SLC22A4: variants seen among roughly 807,000 people sequenced by gnomAD.
The protein encoded by SLC22A4 is solute carrier family 22 member 4, also known as ET transporter.
In SLC22A4, 39 loss-of-function variants were observed where a neutral mutation model predicts 56.6. The observed-to-expected ratio is 0.69, with a 90% CI of 0.53 to 0.90. SLC22A4 has a LOEUF of 0.90. Ranked by LOEUF, SLC22A4 falls within the 40% of genes least tolerant of loss-of-function variation. SLC22A4 has a pLI of 0.00. For missense variants in SLC22A4, 594 were observed against 696.5 expected, an observed-to-expected ratio of 0.85 and a Z score of 1.66; for synonymous variants, 241 against 281.4, an observed-to-expected ratio of 0.86 and a Z score of 1.44.
At chr5:132,306,499 T>A (rs1454007629) in intron 1 of SLC22A4, among the ~76,000 whole-genome samples, 2 of 137,280 alleles carry the variant, frequency 1.5e-5, no homozygotes, top group East Asian at 4.4e-4. Context: ...CAGGCTGGAG[T>A]GCAGTGGTGT....
intron 5 of SLC22A4, among the ~76,000 whole-genome samples, chr5:132,328,903 G>A (rs867858891): frequency 4.1e-5 from 4 of 96,446 alleles, no homozygotes; most frequent in African/African-American, 9.9e-5. Context: ...GTGTGTATGT[G>A]TATATATATA....
chr5:132,341,954 A>T (rs2126747002), intron 9 of SLC22A4, among the ~76,000 whole-genome samples: 1 of 152,358 alleles, frequency 6.6e-6, no homozygotes, highest in Admixed American at 6.5e-5. Context: ...CTCCAAAAAA[A>T]AAACACATCA....
intron 1 of SLC22A4, among the ~76,000 whole-genome samples, chr5:132,300,212 G>A (rs1749879487): frequency 6.6e-6 from 1 of 152,200 alleles, no homozygotes; most frequent in Non-Finnish European, 1.5e-5. Context: ...CATCATACCA[G>A]TGGGTACATG....
At chr5:132,324,379 C>T (rs1750622806) in intron 4 of SLC22A4, 1 of 389,400 alleles carries the variant, frequency 2.6e-6, no homozygotes, top group South Asian at 1.9e-5. Flanking sequence ...AGTCAGCCTC[C>T]AGAGTTTCCA....
In SLC22A4 at chr5:132,327,290, T is replaced by G; in HGVS notation, c.838T>G (p.Ser280Ala). The G allele has an allele frequency of 6.3e-7, 1 of 1,597,396 alleles. No homozygotes were observed. Among genetic ancestry groups the G allele is most frequent in the African/African-American group, 1.3e-5 (1 of 74,504 alleles). ...AATAAATTATAGGTTCATTCCTGAATCTCCCCGATGGCTGATATCCCAGAG... is the reference window on the plus strand; with the variant it reads ...AATAAATTATAGGTTCATTCCTGAAGCTCCCCGATGGCTGATATCCCAGAG... ...CVPLWWFIPE[S>A]PRWLISQRRF... The change falls in exon 5 of 10, where the codon TCT becomes GCT. Residue 280 changes from serine to alanine, a missense_variant. Ser to Ala is a moderately conservative substitution (Grantham distance 99). Coordinates refer to ENST00000200652, the MANE Select transcript of SLC22A4 (RefSeq NM_003059.3).
intron 3 of SLC22A4, among the ~76,000 whole-genome samples, chr5:132,315,571 A>G (rs1385428787): frequency 1.3e-5 from 2 of 152,078 alleles, no homozygotes; most frequent in Non-Finnish European, 2.9e-5. Flanking sequence ...TGACACTATC[A>G]TCTACTCTCC....
intron 8 of SLC22A4, among the ~76,000 whole-genome samples, chr5:132,339,591 C>T (rs1321666561): frequency 2.0e-5 from 3 of 152,164 alleles, no homozygotes; most frequent in Admixed American, 2.0e-4. Flanking sequence ...ATATTCTGCA[C>T]AGTTGCCCTG....
chr5:132,305,664 A>C (rs1454212522), intron 1 of SLC22A4, among the ~76,000 whole-genome samples: 1 of 152,236 alleles, frequency 6.6e-6, no homozygotes, highest in Non-Finnish European at 1.5e-5. Context: ...TGAAGGAAAA[A>C]AGAAACTGTC....
At chr5:132,334,154 A>G (rs1425981663) in intron 6 of SLC22A4, among the ~76,000 whole-genome samples, 1 of 152,204 alleles carries the variant, frequency 6.6e-6, no homozygotes, top group East Asian at 1.9e-4. Flanking sequence ...GACAGAATAT[A>G]CAGACTGCAG....
intron 2 of SLC22A4, among the ~76,000 whole-genome samples, chr5:132,312,899 C>T (rs75539158): frequency 0.077 from 11,714 of 152,254 alleles, 591 homozygotes; most frequent in South Asian, 0.15. Flanking sequence ...AAGCCAACAG[C>T]CAGAGACATG....
At chr5:132,327,547 A>G in intron 5 of SLC22A4, 144 bp downstream of exon 5, 1 of 674,680 alleles carries the variant, frequency 1.5e-6, no homozygotes, top group South Asian at 1.9e-5. Flanking sequence ...ATTAAATTCT[A>G]AGATAAAATC....
At chr5:132,337,371 CAA>C (rs1751057091) in intron 8 of SLC22A4, among the ~76,000 whole-genome samples, 1 of 149,566 alleles carries the variant, frequency 6.7e-6, no homozygotes, top group Non-Finnish European at 1.5e-5. Flanking sequence ...CCCCCAGGCT[CAA>C]GAGATCCTCC....
At chr5:132,306,997 A>G (rs1395000219) in intron 1 of SLC22A4, among the ~76,000 whole-genome samples, 1 of 152,196 alleles carries the variant, frequency 6.6e-6, no homozygotes, top group African/African-American at 2.4e-5. Context: ...GTTTTCTTTC[A>G]AGGGTGATGA....
intron 1 of SLC22A4, among the ~76,000 whole-genome samples, chr5:132,301,150 T>C (rs73787112): frequency 5.8e-4 from 88 of 152,378 alleles, no homozygotes; most frequent in Middle Eastern, 3.4e-3. Context: ...TCCTGGCTCG[T>C]GGCCAGGGGC....
At chr5:132,319,880 C>T (rs575976312) in intron 3 of SLC22A4, among the ~76,000 whole-genome samples, 48 of 152,250 alleles carry the variant, frequency 3.2e-4, no homozygotes, top group African/African-American at 8.7e-4. Flanking sequence ...CATAAGCCAC[C>T]GTGCCTGGCC....
intron 3 of SLC22A4, among the ~76,000 whole-genome samples, chr5:132,314,138 G>A (rs1297625140): frequency 6.6e-6 from 1 of 152,182 alleles, no homozygotes; most frequent in Non-Finnish European, 1.5e-5. Flanking sequence ...ACTTCTTCCT[G>A]GTTGCTTGTG....
chr5:132,296,213 T>A (rs2126696078), intron 1 of SLC22A4, among the ~76,000 whole-genome samples: 1 of 152,310 alleles, frequency 6.6e-6, no homozygotes, highest in South Asian at 2.1e-4. Context: ...GCAAGACCTG[T>A]CTAGGCAAGA....
At chr5:132,307,934 A>C (rs1166738178) in intron 1 of SLC22A4, among the ~76,000 whole-genome samples, 2 of 152,198 alleles carry the variant, frequency 1.3e-5, no homozygotes, top group Admixed American at 1.3e-4. Context: ...TGATTTTCCA[A>C]GTGCAATGCG....
At chr5:132,312,745 C>T (rs1321153533) in intron 2 of SLC22A4, among the ~76,000 whole-genome samples, 1 of 152,224 alleles carries the variant, frequency 6.6e-6, no homozygotes, top group African/African-American at 2.4e-5. Flanking sequence ...GATGCTGGCT[C>T]TGACCCTCAT....
Sources: allele counts gnomAD v4.1 joint callset (sites outside exome capture counted in the v4.1 genomes callset), GRCh38; gene constraint gnomAD v4.1.1; transcripts MANE v1.5; gene names NCBI Gene and HGNC (gene_info 2026-07-23, HGNC 2026-07-21).